FBN1: variants seen among roughly 807,000 people sequenced by gnomAD.
The protein encoded by FBN1 is fibrillin-1.
FBN1 carries 29 observed loss-of-function variants against 365.1 expected under a neutral mutation model. That is an observed-to-expected ratio of 0.08 (90% CI 0.06 to 0.11). The LOEUF (loss-of-function observed/expected upper bound fraction) is 0.11, where lower values mean the gene tolerates loss of function less well. FBN1 is among the 10% of genes least tolerant of loss of function. FBN1 has a pLI of 1.00. For synonymous variants in FBN1, 1,210 were observed against 1,270.5 expected, an observed-to-expected ratio of 0.95 and a Z score of 1.01; for missense variants, 2,476 against 3,703.2, an observed-to-expected ratio of 0.67 and a Z score of 8.60.
chr15:48,598,451 T>C (rs1033203132), intron 5 of FBN1, among the ~76,000 whole-genome samples: 3 of 152,242 alleles, frequency 2.0e-5, no homozygotes, highest in Non-Finnish European at 2.9e-5. Context: ...TCTTCTTTCC[T>C]AGCCCTACTT....
Position 48,525,017 on chromosome 15 carries a change from T to C in FBN1, c.988+1113A>G, listed in dbSNP as rs151239157. Among the ~76,000 whole-genome samples the C allele has an allele frequency of 1.6e-4, 24 of 152,344 alleles. 1 individual carries two copies. Among genetic ancestry groups the C allele is most frequent in the African/African-American group, 5.3e-4 (22 of 41,582 alleles). On this transcript the variant is annotated intron_variant, in intron 9 of 65. Transcript: ENST00000316623. ...AATATCAGACTGTGCACTTTGGAAC[T>C]TGAATTTTAATCTAGAACACTGCAC...
Position 48,485,364 on chromosome 15 carries a change from A to T in FBN1, c.3712+10T>A. ...CTGAGAGATTCAACATGAGGCTAGA[A>T]CCTACTCACCGGTGCATGATCTCTG... On this transcript the variant is annotated intron_variant, in intron 30 of 65. Coordinates refer to ENST00000316623, the MANE Select transcript of FBN1 (RefSeq NM_000138.5). 6.2e-7 allele frequency: 1 copy of T among 1,614,098 alleles called. No individual in the cohort carries two copies. Among genetic ancestry groups the T allele is most frequent in the Non-Finnish European group, 8.5e-7 (1 of 1,180,008 alleles).
At chr15:48,548,870 T>G (rs1262790467) in intron 6 of FBN1, among the ~76,000 whole-genome samples, 1 of 152,228 alleles carries the variant, frequency 6.6e-6, no homozygotes, top group Non-Finnish European at 1.5e-5. Flanking sequence ...TGGATATTTA[T>G]GAAGCATGTT....
intron 63 of FBN1, among the ~76,000 whole-genome samples, chr15:48,420,126 A>C (rs961211564): frequency 6.6e-6 from 1 of 152,024 alleles, no homozygotes; most frequent in Admixed American, 6.6e-5. Flanking sequence ...CAAAGATGAC[A>C]TCATTTCAAT....
In FBN1 at chr15:48,465,803, G is replaced by C. The variant is rs747757998; in HGVS notation, c.4803C>G (p.Thr1601=). 6.2e-7 allele frequency: 1 copy of C among 1,613,548 alleles called. No homozygotes were observed. The highest frequency in any genetic ancestry group is 1.1e-5 in the South Asian group (1 of 91,060). ...GGEGFRPNPI[T]VILEDIDECQ... Reference sequence around the variant, plus strand: ...AAACACAATTACCTTCCAATATAACGGTGATAGGATTTGGTCGGAAACCTT... The same window carrying C: ...AAACACAATTACCTTCCAATATAACCGTGATAGGATTTGGTCGGAAACCTT... Residue 1601 remains threonine (T), a synonymous_variant, in exon 39 of 66, where the codon ACC becomes ACG. Transcript: ENST00000316623.
At chr15:48,540,120 C>A (rs2044046840) in intron 6 of FBN1, among the ~76,000 whole-genome samples, 2 of 152,032 alleles carry the variant, frequency 1.3e-5, no homozygotes, top group Non-Finnish European at 2.9e-5. Flanking sequence ...TTTTTTGGCT[C>A]AATTCTCCCA....
At chr15:48,496,537 T>C (rs1488640333) in intron 19 of FBN1, among the ~76,000 whole-genome samples, 2 of 152,140 alleles carry the variant, frequency 1.3e-5, no homozygotes, top group Non-Finnish European at 2.9e-5. Context: ...TAGAGTTACA[T>C]TATATAATTA....
chr15:48,505,468 T>C (rs2043700793), intron 15 of FBN1, among the ~76,000 whole-genome samples: 1 of 152,198 alleles, frequency 6.6e-6, no homozygotes, highest in African/African-American at 2.4e-5. Context: ...CAAAGGGTTT[T>C]GTGAAATGTA....
intron 23 of FBN1, 133 bp downstream of exon 23, chr15:48,494,071 T>C (rs1209251284): frequency 1.1e-5 from 8 of 731,080 alleles, no homozygotes; most frequent in Non-Finnish European, 2.0e-5. Flanking sequence ...TTCCGTTTTG[T>C]AGTTCTCATT....
chr15:48,617,639 A>T (rs1157011694), intron 2 of FBN1, among the ~76,000 whole-genome samples: 1 of 152,004 alleles, frequency 6.6e-6, no homozygotes, highest in Non-Finnish European at 1.5e-5. Flanking sequence ...TAAGAACCCA[A>T]CTCCAAACAC....
intron 6 of FBN1, among the ~76,000 whole-genome samples, chr15:48,588,007 G>C (rs2044449959): frequency 6.6e-6 from 1 of 152,070 alleles, no homozygotes; most frequent in African/African-American, 2.4e-5. Flanking sequence ...TGAAGAGCTG[G>C]AGAAGCAGCA....
intron 6 of FBN1, among the ~76,000 whole-genome samples, chr15:48,556,478 C>T (rs560348422): frequency 2.0e-5 from 3 of 152,194 alleles, no homozygotes; most frequent in East Asian, 1.9e-4. Context: ...TTAAATTCCC[C>T]TTGAAATACC....
intron 6 of FBN1, among the ~76,000 whole-genome samples, chr15:48,583,358 T>G (rs1176561629): frequency 6.6e-6 from 1 of 152,206 alleles, no homozygotes; most frequent in Non-Finnish European, 1.5e-5. Flanking sequence ...TTTTTCTAAC[T>G]TTAGTCCTCT....
chr15:48,539,448 A>G (rs1357170984), intron 6 of FBN1, among the ~76,000 whole-genome samples: 1 of 152,196 alleles, frequency 6.6e-6, no homozygotes, highest in East Asian at 1.9e-4. Context: ...TGCCAGTGTT[A>G]TGTCCCACTC....
At chr15:48,450,916 G>A (rs1284471343) in intron 45 of FBN1, among the ~76,000 whole-genome samples, 1 of 151,958 alleles carries the variant, frequency 6.6e-6, no homozygotes, top group African/African-American at 2.4e-5. Context: ...TTAAAAGTAA[G>A]ACATAAATAA....
chr15:48,460,381 GA>G (rs749357145), intron 42 of FBN1, 64 bp from the exon 43 acceptor site: 3 of 987,512 alleles, frequency 3.0e-6, no homozygotes, highest in Non-Finnish European at 4.9e-6. Context: ...TAATTGGACT[GA>G]AAAAAATTAT....
chr15:48,452,821 T>C, intron 44 of FBN1, 137 bp from the exon 45 acceptor site: 1 of 997,382 alleles, frequency 1.0e-6, no homozygotes, highest in East Asian at 2.6e-5. Flanking sequence ...GTACAGCAGC[T>C]TTATTTATTG....
At chr15:48,580,134 A>G (rs1229869759) in intron 6 of FBN1, among the ~76,000 whole-genome samples, 1 of 151,944 alleles carries the variant, frequency 6.6e-6, no homozygotes, top group South Asian at 2.1e-4. Flanking sequence ...AGTTTTTCCA[A>G]TTGCTTCTAA....
intron 4 of FBN1, among the ~76,000 whole-genome samples, chr15:48,604,696 T>C (rs571922559): frequency 2.0e-5 from 3 of 152,200 alleles, no homozygotes; most frequent in Non-Finnish European, 4.4e-5. Flanking sequence ...GTAGATTCCA[T>C]GCATGCTTCT....
Sources: gnomAD v4.1 joint callset for allele counts (sites outside exome capture counted in the v4.1 genomes callset) on GRCh38, gnomAD v4.1.1 for gene constraint, MANE v1.5 for transcripts, NCBI Gene and HGNC (gene_info 2026-07-23, HGNC 2026-07-21) for gene names.